The following NOL4 variants were observed in gnomAD, a reference collection of about 807,000 sequenced individuals.
NOL4 encodes nucleolar protein 4.
Under a neutral mutation model 75.9 loss-of-function variants are expected in NOL4, and 17 were observed. That is an observed-to-expected ratio of 0.22 (90% confidence interval 0.15 to 0.34). The LOEUF is 0.34. Among genes scored for constraint, NOL4 ranks in the 10% least tolerant of loss-of-function variants. The pLI, the probability that NOL4 is intolerant of heterozygous loss-of-function variation, is 1.00. For missense variants in NOL4, 614 were observed against 793.5 expected, an observed-to-expected ratio of 0.77 and a Z score of 2.72; for synonymous variants, 292 against 289.9, an observed-to-expected ratio of 1.01 and a Z score of -0.07.
chr18:34,144,581 T>C (rs1359728890), intron 1 of NOL4, among the ~76,000 whole-genome samples: 1 of 152,106 alleles, frequency 6.6e-6, no homozygotes, highest in East Asian at 1.9e-4. Context: ...AACAAAATGA[T>C]GGGTTTATTT....
At chr18:34,048,657 A>C in intron 5 of NOL4, 1 of 962,086 alleles carries the variant, frequency 1.0e-6, no homozygotes, top group South Asian at 4.8e-5. Context: ...ACATTCTAGC[A>C]GTGGGACTAC....
chr18:34,094,795 A>G (rs1262651332), intron 4 of NOL4, among the ~76,000 whole-genome samples: 1 of 152,208 alleles, frequency 6.6e-6, no homozygotes, highest in Non-Finnish European at 1.5e-5. Context: ...ACTATGAATT[A>G]GCTATAAATT....
At chr18:34,218,873 A>G (rs2037098679) in intron 1 of NOL4, among the ~76,000 whole-genome samples, 1 of 152,234 alleles carries the variant, frequency 6.6e-6, no homozygotes, top group South Asian at 2.1e-4. Flanking sequence ...TAGGTGCCTT[A>G]GGCATAAAGT....
chr18:34,212,415 G>A (rs2036574822), intron 1 of NOL4, among the ~76,000 whole-genome samples: 1 of 152,038 alleles, frequency 6.6e-6, no homozygotes, highest in South Asian at 2.1e-4. Context: ...GGTCAAATAC[G>A]CTTGTTAAAA....
intron 1 of NOL4, among the ~76,000 whole-genome samples, chr18:34,139,709 G>C (rs1036364308): frequency 7.2e-5 from 11 of 151,970 alleles, no homozygotes; most frequent in African/African-American, 2.7e-4. Flanking sequence ...GTTATTTGTT[G>C]CCTTCTGCTA....
intron 5 of NOL4, among the ~76,000 whole-genome samples, chr18:34,062,216 G>GT (rs1008262397): frequency 4.0e-4 from 60 of 151,190 alleles, no homozygotes; most frequent in African/African-American, 1.0e-3. Flanking sequence ...TAAAAAAAAA[G>GT]TTTTTTTTTA....
At chr18:33,981,612 T>A (rs2145985310) in intron 6 of NOL4, among the ~76,000 whole-genome samples, 1 of 152,164 alleles carries the variant, frequency 6.6e-6, no homozygotes, top group Non-Finnish European at 1.5e-5. Flanking sequence ...GGAGGAATAC[T>A]TTCTGAGACT....
chr18:34,142,400 T>C (rs1217707535), intron 1 of NOL4, among the ~76,000 whole-genome samples: 2 of 152,222 alleles, frequency 1.3e-5, no homozygotes, highest in Non-Finnish European at 2.9e-5. Flanking sequence ...ATTGTGGCAC[T>C]ATTCACAATA....
intron 6 of NOL4, among the ~76,000 whole-genome samples, chr18:34,009,003 C>G (rs998470040): frequency 1.3e-5 from 2 of 151,942 alleles, no homozygotes; most frequent in Non-Finnish European, 2.9e-5. Context: ...CCTTACAACC[C>G]AACACCCTGC....
At chr18:34,052,445 G>A (rs2076664110) in intron 5 of NOL4, among the ~76,000 whole-genome samples, 1 of 151,882 alleles carries the variant, frequency 6.6e-6, no homozygotes, top group Non-Finnish European at 1.5e-5. Flanking sequence ...TTAAAAAGCT[G>A]TACAAGTACT....
intron 6 of NOL4, among the ~76,000 whole-genome samples, chr18:33,984,112 T>A (rs1002262453): frequency 1.3e-5 from 2 of 152,032 alleles, no homozygotes; most frequent in Non-Finnish European, 2.9e-5. Flanking sequence ...TCAAAAAAAA[T>A]GTTTTCTTGA....
chr18:34,123,532 CAT>C (rs34954122), intron 2 of NOL4, among the ~76,000 whole-genome samples: 33,604 of 129,032 alleles, frequency 0.26, 4,160 homozygotes, highest in Middle Eastern at 0.4. Flanking sequence ...ATGTGATAAC[CAT>C]ATATATATAT....
At position 34,161,511 on chromosome 18, in the gene NOL4, T is replaced by G. The variant is rs1408727153; in HGVS notation, c.265-31491A>C. Among the ~76,000 whole-genome samples the G allele has an allele frequency of 2.0e-5, 3 of 152,318 alleles. 1 individual carries two copies. The East Asian group carries it at 5.8e-4, about 29-fold the overall frequency. ...TCTCCACGACCTCTCCAGCATTTCT[T>G]GTTGTCTTTTTGATAATAGCCATTC... is the stretch of plus-strand genomic sequence containing the variant. On this transcript the variant is annotated intron_variant, in intron 1 of 10. Coordinates refer to ENST00000261592, the MANE Select transcript of NOL4 (RefSeq NM_003787.5).
intron 2 of NOL4, among the ~76,000 whole-genome samples, chr18:34,125,877 T>C (rs1188842347): frequency 6.6e-6 from 1 of 151,822 alleles, no homozygotes; most frequent in Non-Finnish European, 1.5e-5. Flanking sequence ...GCAGGAGAGC[T>C]CCTAAACACA....
chr18:33,955,905 T>C (rs563326977), intron 8 of NOL4, among the ~76,000 whole-genome samples: 95 of 152,262 alleles, frequency 6.2e-4, no homozygotes, highest in African/African-American at 2.2e-3. Flanking sequence ...TTGGTTTAAC[T>C]AGGTACAGTG....
chr18:33,991,671 T>C (rs1345049446), intron 6 of NOL4, among the ~76,000 whole-genome samples: 1 of 151,990 alleles, frequency 6.6e-6, no homozygotes, highest in African/African-American at 2.4e-5. Context: ...TCCCATATAA[T>C]AGCAGCTAGC....
At chr18:34,086,243 A>G (rs937285456) in intron 5 of NOL4, among the ~76,000 whole-genome samples, 1 of 152,190 alleles carries the variant, frequency 6.6e-6, no homozygotes, top group African/African-American at 2.4e-5. Context: ...AAACACTATT[A>G]GGAACGAATT....
chr18:33,933,968 C>A (rs2067880732), intron 9 of NOL4, among the ~76,000 whole-genome samples: 1 of 152,004 alleles, frequency 6.6e-6, no homozygotes, highest in Non-Finnish European at 1.5e-5. Context: ...GCAGCCATAG[C>A]CTTGGGAAAT....
intron 1 of NOL4, among the ~76,000 whole-genome samples, chr18:34,205,279 T>G (rs550463396): frequency 6.6e-6 from 1 of 152,216 alleles, no homozygotes; most frequent in African/African-American, 2.4e-5. Context: ...ATATAACAAT[T>G]CTCTCAGTAG....
Sources: allele counts gnomAD v4.1 joint callset (sites outside exome capture counted in the v4.1 genomes callset), GRCh38; gene constraint gnomAD v4.1.1; transcripts MANE v1.5; gene names NCBI Gene and HGNC (gene_info 2026-07-23, HGNC 2026-07-21).